FOXK2: variants seen among roughly 807,000 people sequenced by gnomAD.
The protein encoded by FOXK2 is forkhead box protein K2.
In FOXK2, 24 loss-of-function variants were observed where a neutral mutation model predicts 53.3. The ratio of observed to expected loss-of-function variants is 0.45; its 90% confidence interval spans 0.33 to 0.63. The LOEUF is 0.63. Among genes scored for constraint, FOXK2 ranks in the 30% least tolerant of loss-of-function variants. The pLI is 0.03. For missense variants in FOXK2, 952 were observed against 910.5 expected, an observed-to-expected ratio of 1.05 and a Z score of -0.59; for synonymous variants, 505 against 407.1, an observed-to-expected ratio of 1.24 and a Z score of -2.89.
intron 1 of FOXK2, among the ~76,000 whole-genome samples, chr17:82,529,018 C>T (rs1420293110): frequency 6.6e-6 from 1 of 152,126 alleles, no homozygotes; most frequent in Admixed American, 6.6e-5. Context: ...AGGGATGCCA[C>T]TGAAAAATCT....
intron 4 of FOXK2, chr17:82,577,260 C>G (rs2044999136): frequency 1.5e-6 from 2 of 1,300,228 alleles, no homozygotes; most frequent in Non-Finnish European, 2.2e-6. Flanking sequence ...TAGTACTTGT[C>G]CATGTAATTT....
chr17:82,554,328 C>T (rs1477063129), intron 1 of FOXK2, among the ~76,000 whole-genome samples: 1 of 152,152 alleles, frequency 6.6e-6, no homozygotes, highest in Non-Finnish European at 1.5e-5. Context: ...GGCTTTGTTC[C>T]TAAGGAACCT....
chr17:82,591,407 C>G (rs2045251999), intron 8 of FOXK2, among the ~76,000 whole-genome samples: 1 of 152,140 alleles, frequency 6.6e-6, no homozygotes, highest in Admixed American at 6.5e-5. Context: ...GTCCCCTGCT[C>G]TGCTCCAGGG....
At chr17:82,537,030 G>T (rs1053675596) in intron 1 of FOXK2, among the ~76,000 whole-genome samples, 1 of 152,142 alleles carries the variant, frequency 6.6e-6, no homozygotes, top group African/African-American at 2.4e-5. Flanking sequence ...GGCACTTAAG[G>T]TTAGAAAACA....
At chr17:82,597,530 C>T (rs531352810) in intron 8 of FOXK2, among the ~76,000 whole-genome samples, 19 of 152,352 alleles carry the variant, frequency 1.2e-4, no homozygotes, top group Admixed American at 1.2e-3. Flanking sequence ...GGCGTGTTAG[C>T]ACAGCCCCTC....
At chr17:82,544,989 C>T (rs1208369807) in intron 1 of FOXK2, among the ~76,000 whole-genome samples, 3 of 152,136 alleles carry the variant, frequency 2.0e-5, no homozygotes, top group Middle Eastern at 3.4e-3. Flanking sequence ...AAAGAATTGT[C>T]GATCTGCCCC....
intron 2 of FOXK2, among the ~76,000 whole-genome samples, chr17:82,564,217 A>G (rs1192225096): frequency 6.6e-6 from 1 of 151,282 alleles, no homozygotes; most frequent in Non-Finnish European, 1.5e-5. Flanking sequence ...CCTCCTGAGT[A>G]GCTGGGGCTA....
chr17:82,586,411 A>T (rs111800505), intron 7 of FOXK2, among the ~76,000 whole-genome samples: 43 of 111,296 alleles, frequency 3.9e-4, no homozygotes, highest in Admixed American at 1.2e-3. Context: ...CGGGGGGGAA[A>T]GGAGGAGAGG....
intron 1 of FOXK2, among the ~76,000 whole-genome samples, chr17:82,528,648 G>A (rs1266570904): frequency 6.6e-6 from 1 of 152,184 alleles, no homozygotes; most frequent in East Asian, 1.9e-4. Context: ...CCTAGGAAGT[G>A]GTGGCAGGGA....
chr17:82,544,122 A>G (rs974978004), intron 1 of FOXK2, among the ~76,000 whole-genome samples: 1 of 151,918 alleles, frequency 6.6e-6, no homozygotes, highest in Non-Finnish European at 1.5e-5. Context: ...TATGTTGCAC[A>G]AGCTGGTCTT....
intron 4 of FOXK2, among the ~76,000 whole-genome samples, chr17:82,581,657 AG>A (rs1421693943): frequency 2.6e-5 from 4 of 152,042 alleles, no homozygotes. Context: ...TCGTATTTTT[AG>A]TAGAGACAGG....
intron 8 of FOXK2, among the ~76,000 whole-genome samples, chr17:82,596,547 G>GCCCTGGTGCCCTCGTCCCGCC (rs1555644203): frequency 6.6e-6 from 1 of 152,096 alleles, no homozygotes; most frequent in Non-Finnish European, 1.5e-5. Context: ...CGCACTTTCT[G>GCCCTGGTGCCCTCGTCCCGCC]CGGGCAGTCT....
chr17:82,566,027 C>T (rs1455129747), intron 2 of FOXK2, among the ~76,000 whole-genome samples: 1 of 151,290 alleles, frequency 6.6e-6, no homozygotes, highest in Non-Finnish European at 1.5e-5. Flanking sequence ...ATCACATTTG[C>T]AGAGACAGAA....
chr17:82,544,419 G>T (rs1290350870), intron 1 of FOXK2, among the ~76,000 whole-genome samples: 1 of 152,086 alleles, frequency 6.6e-6, no homozygotes, highest in Non-Finnish European at 1.5e-5. Context: ...GCACTGTGCT[G>T]GTACAGTACA....
At chr17:82,593,046 G>T (rs535136470) in intron 8 of FOXK2, among the ~76,000 whole-genome samples, 1 of 146,080 alleles carries the variant, frequency 6.8e-6, no homozygotes, top group Non-Finnish European at 1.5e-5. Context: ...AGGTCTTCCT[G>T]TACCGGGCAC....
chr17:82,584,210 C>A, intron 6 of FOXK2, 22 bp downstream of exon 6: 2 of 1,569,176 alleles, frequency 1.3e-6, no homozygotes. Flanking sequence ...GGAGAGGAAG[C>A]GAGGGCCCCA....
rs1049813251 is a variant in FOXK2 at position 82,601,529 on chromosome 17, C to A, written c.*30C>A. ...CGGGAGAGCTTTTCTTTAACGATAT[C>A]AACTCTGTGGTGCCAAAAGGAGACG... is the stretch of plus-strand genomic sequence containing the variant. On this transcript the variant is annotated 3_prime_UTR_variant, in exon 9 of 9. Transcript: ENST00000335255. 5.1e-6 allele frequency: 8 copies of A among 1,575,198 alleles called. No homozygotes were observed. The highest frequency in any genetic ancestry group is 4.0e-5 in the African/African-American group (3 of 74,326).
intron 1 of FOXK2, among the ~76,000 whole-genome samples, chr17:82,561,906 G>GC (rs1491350764): frequency 0.012 from 12 of 994 alleles, no homozygotes; most frequent in African/African-American, 0.048. Flanking sequence ...TTCCTCTGTT[G>GC]GGGGGGGGGG....
intron 1 of FOXK2, among the ~76,000 whole-genome samples, chr17:82,537,017 G>A (rs1031097718): frequency 6.6e-6 from 1 of 152,180 alleles, no homozygotes; most frequent in Non-Finnish European, 1.5e-5. Flanking sequence ...GCAGCTTCTG[G>A]TAGGCACTTA....
Sources: gnomAD v4.1 joint callset for allele counts (sites outside exome capture counted in the v4.1 genomes callset) on GRCh38, gnomAD v4.1.1 for gene constraint, MANE v1.5 for transcripts, NCBI Gene and HGNC (gene_info 2026-07-23, HGNC 2026-07-21) for gene names.